The following ZMIZ1 variants were observed in gnomAD, a reference collection of about 807,000 sequenced individuals.
The protein encoded by ZMIZ1 is zinc finger MIZ-type containing 1, also known as zinc finger MIZ domain-containing protein 1.
Under a neutral mutation model 113.9 loss-of-function variants are expected in ZMIZ1, and 17 were observed. The ratio of observed to expected loss-of-function variants is 0.15; its 90% CI spans 0.10 to 0.22. ZMIZ1 has a LOEUF of 0.22. Among genes scored for constraint, ZMIZ1 ranks in the 10% least tolerant of loss-of-function variants. The pLI is 1.00. For synonymous variants in ZMIZ1, 607 were observed against 603.1 expected, an observed-to-expected ratio of 1.01 and a Z score of -0.09; for missense variants, 1,059 against 1,477.8, an observed-to-expected ratio of 0.72 and a Z score of 4.65.
At chr10:79,220,095 C>T (rs540227187) in intron 7 of ZMIZ1, among the ~76,000 whole-genome samples, 48 of 152,280 alleles carry the variant, frequency 3.2e-4, no homozygotes, top group South Asian at 6.2e-4. Flanking sequence ...GACATGGCAC[C>T]GGCGCCAGGC....
chr10:79,093,334 T>C lies in ZMIZ1; in HGVS notation c.-337+24064T>C, dbSNP rs868744995. Among the ~76,000 whole-genome samples the C allele has an allele frequency of 3.2e-5, 4 of 123,266 alleles. No individual in the cohort carries two copies. The South Asian group carries it at 1.0e-3, about 31-fold the overall frequency. The allele number at this position is 123,266 out of a possible 152,430, so 80.9% of individuals were successfully genotyped here. On this transcript the variant is annotated intron_variant, in intron 1 of 24. Coordinates refer to ENST00000334512, the MANE Select transcript of ZMIZ1 (RefSeq NM_020338.4). ...ATTTATTTATTTATTTATTTATTTA[T>C]TTATTTATTTTGAGACAGAGTCTCA... is the stretch of plus-strand genomic sequence containing the variant.
At chr10:79,084,407 G>A (rs1025604826) in intron 1 of ZMIZ1, among the ~76,000 whole-genome samples, 2 of 152,366 alleles carry the variant, frequency 1.3e-5, no homozygotes, top group South Asian at 4.1e-4. Context: ...TGTATTCCTG[G>A]AGCAGTAGTT....
At chr10:79,148,374 TC>T (rs1845578248) in intron 3 of ZMIZ1, among the ~76,000 whole-genome samples, 1 of 152,050 alleles carries the variant, frequency 6.6e-6, no homozygotes, top group Admixed American at 6.5e-5. Context: ...TAGGCGTACT[TC>T]CCCAGGATAG....
chr10:79,201,580 G>A lies in ZMIZ1; in HGVS notation c.-49-4G>A, dbSNP rs369425699. The stretch of plus-strand genomic sequence containing the variant: ...CAGTGACAACCTCTCCTTTCTCTTC[G>A]CAGGCTGGACAACGTTCATGGCTCT... On this transcript the variant is annotated splice_polypyrimidine_tract_variant and splice_region_variant and intron_variant, in intron 4 of 24. Coordinates refer to ENST00000334512, the MANE Select transcript of ZMIZ1 (RefSeq NM_020338.4). 32 of 1,602,642 alleles carry A rather than the reference G, an allele frequency of 2.0e-5. No homozygotes were observed. The highest frequency in any genetic ancestry group is 3.4e-5 in the Admixed American group (2 of 59,642).
chr10:79,312,499 C>G, intron 24 of ZMIZ1, 143 bp from the exon 25 acceptor site: 1 of 823,534 alleles, frequency 1.2e-6, no homozygotes, highest in Non-Finnish European at 2.0e-6. Context: ...GGCCCAAGCC[C>G]AAGGCTGTTC....
Position 79,069,304 on chromosome 10 carries a change from C to T in ZMIZ1, c.-337+34C>T, listed in dbSNP as rs1273325904. 2.0e-5 allele frequency: 3 copies of T among 150,568 alleles called. No homozygotes were observed. Among genetic ancestry groups the T allele is most frequent in the Non-Finnish European group, 3.0e-5 (2 of 67,438 alleles). 9.3% of individuals were successfully genotyped at this position (150,568 alleles called of 1,614,324 possible). A position where few individuals can be genotyped will look rare whatever the true frequency, so the allele number is the denominator to read the frequency against. ...GGGGCCAGAGCCAGGCGCCCGCTGG[C>T]TCCGGGGCTACCTCCCGCTCCCCGG... On this transcript the variant is annotated intron_variant, in intron 1 of 24. Transcript: ENST00000334512. The surrounding 1 kb of genome is among the most constrained non-coding windows in gnomAD (Gnocchi z 4.6).
At chr10:79,196,434 T>C (rs894015798) in intron 4 of ZMIZ1, among the ~76,000 whole-genome samples, 1 of 152,128 alleles carries the variant, frequency 6.6e-6, no homozygotes. Context: ...GGCCCCAGGC[T>C]CCTCAGAGTA....
chr10:79,158,024 G>A (rs1274204457), intron 3 of ZMIZ1, among the ~76,000 whole-genome samples: 5 of 152,198 alleles, frequency 3.3e-5, no homozygotes, highest in African/African-American at 7.2e-5. Context: ...CCAGGGGAGC[G>A]GCGGGTTGGA....
In ZMIZ1 at chr10:79,291,139, C is replaced by A. The variant is rs1358586610; in HGVS notation, c.721C>A (p.Arg241=). The A allele has an allele frequency of 1.2e-6, 2 of 1,612,924 alleles. No individual in the cohort carries two copies. The highest frequency in any genetic ancestry group is 8.5e-7 in the Non-Finnish European group (1 of 1,179,144). Residue 241 remains arginine (R), a synonymous_variant, in exon 10 of 25, where the codon CGG becomes AGG. Coordinates refer to ENST00000334512, the MANE Select transcript of ZMIZ1 (RefSeq NM_020338.4). ...QPYIQQSMYG[R]PNYPGSGGFG... ...CTACATCCAGCAGAGCATGTATGGC[C>A]GGCCCAACTACCCCGGCAGCGGGGG... is the stretch of plus-strand genomic sequence containing the variant.
At chr10:79,241,380 AGT>A (rs1849822536) in intron 7 of ZMIZ1, among the ~76,000 whole-genome samples, 1 of 152,140 alleles carries the variant, frequency 6.6e-6, no homozygotes, top group South Asian at 2.1e-4. Context: ...TGTCTCAGTG[AGT>A]AAATGACTGT....
At chr10:79,220,865 G>A (rs201584257) in intron 7 of ZMIZ1, among the ~76,000 whole-genome samples, 14 of 120,180 alleles carry the variant, frequency 1.2e-4, no homozygotes, top group African/African-American at 4.0e-4. Flanking sequence ...TGTCTGCATG[G>A]CTGTGCACAT....
At chr10:79,168,629 C>A (rs922028219) in intron 4 of ZMIZ1, among the ~76,000 whole-genome samples, 1 of 152,138 alleles carries the variant, frequency 6.6e-6, no homozygotes, top group Non-Finnish European at 1.5e-5. Flanking sequence ...GCTTGTGGGC[C>A]GTATTAAGAA....
intron 7 of ZMIZ1, chr10:79,216,485 G>T: frequency 2.3e-6 from 1 of 439,340 alleles, no homozygotes; most frequent in Non-Finnish European, 4.1e-6. Flanking sequence ...ACTTGCCTCA[G>T]GGGTACTGCA....
At chr10:79,307,894 C>T (rs929933892) in intron 23 of ZMIZ1, among the ~76,000 whole-genome samples, 7 of 152,160 alleles carry the variant, frequency 4.6e-5, no homozygotes, top group Non-Finnish European at 8.8e-5. Context: ...TCTCCCTCTC[C>T]CACTTGCACA....
intron 22 of ZMIZ1, 126 bp downstream of exon 22, chr10:79,306,470 T>C: frequency 6.9e-7 from 1 of 1,455,684 alleles, no homozygotes; most frequent in South Asian, 1.3e-5. Flanking sequence ...AAGTAACACA[T>C]CCCCCAAAAA....
chr10:79,181,328 G>C (rs1847114983), intron 4 of ZMIZ1, among the ~76,000 whole-genome samples: 1 of 152,240 alleles, frequency 6.6e-6, no homozygotes, highest in African/African-American at 2.4e-5. Flanking sequence ...GCCTGCTTCT[G>C]AGGAGGCTGG....
chr10:79,300,663 C>T (rs988351854), intron 16 of ZMIZ1, 69 bp from the exon 17 acceptor site: 5 of 1,510,032 alleles, frequency 3.3e-6, no homozygotes, highest in Non-Finnish European at 3.5e-6. Flanking sequence ...TGTGACCTGG[C>T]TCGGGGTCAC....
chr10:79,276,594 A>G (rs532167646), intron 7 of ZMIZ1, among the ~76,000 whole-genome samples: 2 of 151,254 alleles, frequency 1.3e-5, no homozygotes, highest in South Asian at 4.2e-4. Flanking sequence ...CGTGGGTGTG[A>G]CCAGAAGGTG....
At chr10:79,071,743 A>G (rs1253036883) in intron 1 of ZMIZ1, among the ~76,000 whole-genome samples, 1 of 152,138 alleles carries the variant, frequency 6.6e-6, no homozygotes, top group Non-Finnish European at 1.5e-5. Context: ...CAAAAGACAC[A>G]TTGAAAGCCC....
Sources: allele counts gnomAD v4.1 joint callset (sites outside exome capture counted in the v4.1 genomes callset), GRCh38; gene constraint gnomAD v4.1.1; non-coding constraint Gnocchi (gnomAD v3.1); transcripts MANE v1.5; gene names NCBI Gene and HGNC (gene_info 2026-07-23, HGNC 2026-07-21).